Variants in SYT2 observed in about 807,000 individuals in gnomAD.
SYT2 encodes the protein synaptotagmin-2.
SYT2 carries 15 observed loss-of-function variants against 39.9 expected under a neutral mutation model. The ratio of observed to expected loss-of-function variants is 0.38; its 90% CI spans 0.25 to 0.58. SYT2 has a LOEUF of 0.58. SYT2 is among the 20% of genes least tolerant of loss of function. SYT2 has a pLI of 0.70. For synonymous variants in SYT2, 181 were observed against 204.5 expected (o/e 0.89, Z 0.98); for missense variants, 389 against 530.3 (o/e 0.73, Z 2.62).
chr1:202,611,741 A>C (rs1278063496), intron 1 of SYT2, among the ~76,000 whole-genome samples: 1 of 152,178 alleles, frequency 6.6e-6, no homozygotes, highest in East Asian at 1.9e-4. Context: ...TTTTGCTGCC[A>C]TATTTTTGGT....
intron 5 of SYT2, 90 bp from the exon 6 acceptor site, chr1:202,602,147 G>A (rs1243704294): frequency 6.6e-7 from 1 of 1,519,684 alleles, no homozygotes; most frequent in Non-Finnish European, 9.0e-7. Flanking sequence ...CCAGCCCACA[G>A]GGTCCAGGTT....
intron 1 of SYT2, among the ~76,000 whole-genome samples, chr1:202,663,727 G>T (rs974563877): frequency 1.3e-5 from 2 of 152,092 alleles, no homozygotes; most frequent in African/African-American, 4.8e-5. Flanking sequence ...CTCCTCTGAG[G>T]CTGGCTAAGG....
In SYT2 at chr1:202,602,060, G is replaced by A. The variant is rs779500557; in HGVS notation, c.634-3C>T. The A allele has an allele frequency of 1.2e-6, 2 of 1,613,860 alleles. No homozygotes were observed. Among genetic ancestry groups the A allele is most frequent in the African/African-American group, 1.3e-5 (1 of 74,936 alleles). ...CCCCCAAGCTCCTGGTATGGCACCTGCAGGGCACAAGCAGAATCAGAGGGG... is the reference window on the plus strand; with the variant it reads ...CCCCCAAGCTCCTGGTATGGCACCTACAGGGCACAAGCAGAATCAGAGGGG... On this transcript the variant is annotated splice_polypyrimidine_tract_variant and splice_region_variant and intron_variant, in intron 5 of 8. Coordinates refer to ENST00000367268, the MANE Select transcript of SYT2 (RefSeq NM_177402.5).
At chr1:202,608,838 C>A (rs1690792932) in intron 1 of SYT2, among the ~76,000 whole-genome samples, 1 of 152,180 alleles carries the variant, frequency 6.6e-6, no homozygotes, top group Admixed American at 6.5e-5. Context: ...TTCCCACCAG[C>A]AATGTATGAG....
intron 1 of SYT2, among the ~76,000 whole-genome samples, chr1:202,636,254 G>C (rs1193944131): frequency 1.3e-5 from 2 of 152,176 alleles, no homozygotes; most frequent in Non-Finnish European, 2.9e-5. Context: ...AGGAGGGCCA[G>C]ATTCAGCCCA....
At chr1:202,684,968 T>G (rs1387135569) in intron 1 of SYT2, among the ~76,000 whole-genome samples, 1 of 152,122 alleles carries the variant, frequency 6.6e-6, no homozygotes, top group Non-Finnish European at 1.5e-5. Flanking sequence ...TGTGCAGCAG[T>G]GGGCTGTGGA....
chr1:202,682,681 G>A (rs970435732), intron 1 of SYT2, among the ~76,000 whole-genome samples: 1 of 152,116 alleles, frequency 6.6e-6, no homozygotes, highest in African/African-American at 2.4e-5. Context: ...CTCTCTGAGG[G>A]TGGGGACAAC....
chr1:202,641,973 G>T (rs35608464), intron 1 of SYT2, among the ~76,000 whole-genome samples: 7,170 of 150,988 alleles, frequency 0.047, 210 homozygotes, highest in Middle Eastern at 0.11. Context: ...TTGGGATGGG[G>T]GGTGCAGTAG....
intron 1 of SYT2, among the ~76,000 whole-genome samples, chr1:202,670,478 T>C (rs1692567915): frequency 6.6e-6 from 1 of 152,162 alleles, no homozygotes; most frequent in Non-Finnish European, 1.5e-5. Flanking sequence ...CCCAGCTAGC[T>C]CTCCCTGGGT....
At chr1:202,650,430 A>G (rs1227533678) in intron 1 of SYT2, among the ~76,000 whole-genome samples, 1 of 141,198 alleles carries the variant, frequency 7.1e-6, no homozygotes, top group Non-Finnish European at 1.5e-5. Flanking sequence ...CATTTGTTTC[A>G]TATGCTTTTG....
At position 202,605,699 on chromosome 1, in the gene SYT2, C is replaced by G. The variant is rs1572616582; in HGVS notation, c.74G>C (p.Gly25Ala). The change falls in exon 2 of 9, where the codon GGA (glycine) becomes GCA (alanine). Residue 25 changes from glycine (G) to alanine (A), a missense_variant. By Grantham distance (60) the Gly-to-Ala change is moderately conservative. Coordinates refer to ENST00000367268, the MANE Select transcript of SYT2 (RefSeq NM_177402.5). ...ACTCTCAGTGGAGTTGTCCACGGGT[C>G]CAATGGGCATCGTGGCGGTGGTGGT... is the stretch of plus-strand genomic sequence containing the variant. Reference protein sequence around the residue: ...PATTTATMPIGPVDNSTESGG... With the variant: ...PATTTATMPIAPVDNSTESGG... The G allele has an allele frequency of 1.9e-6, 3 of 1,614,054 alleles. No homozygotes were observed. The highest frequency in any genetic ancestry group is 3.3e-4 in the Middle Eastern group (2 of 6,056).
chr1:202,631,232 G>C (rs191652122), intron 1 of SYT2, among the ~76,000 whole-genome samples: 54 of 152,254 alleles, frequency 3.5e-4, no homozygotes, highest in African/African-American at 1.2e-3. Context: ...TGGCTCTCTG[G>C]AACCGCAGGG....
chr1:202,656,263 G>T (rs1034330966), intron 1 of SYT2, among the ~76,000 whole-genome samples: 3 of 152,200 alleles, frequency 2.0e-5, no homozygotes, highest in African/African-American at 7.2e-5. Flanking sequence ...TGAACTCTGG[G>T]GTCCCCTGCT....
intron 1 of SYT2, among the ~76,000 whole-genome samples, chr1:202,674,879 C>G (rs1653318391): frequency 8.8e-6 from 1 of 113,650 alleles, no homozygotes; most frequent in Admixed American, 9.2e-5. Context: ...CCAGCATGCT[C>G]TGCCCTGAGC....
chr1:202,700,267 T>C (rs1654079037), intron 1 of SYT2, among the ~76,000 whole-genome samples: 1 of 152,166 alleles, frequency 6.6e-6, no homozygotes, highest in Non-Finnish European at 1.5e-5. Flanking sequence ...CCAGCAAGGC[T>C]GCCAGGCTGA....
At chr1:202,618,407 G>GTGTGTGTGTGTT (rs1177379096) in intron 1 of SYT2, among the ~76,000 whole-genome samples, 3 of 148,784 alleles carry the variant, frequency 2.0e-5, no homozygotes, top group Non-Finnish European at 4.5e-5. Flanking sequence ...GTGAGTGTGT[G>GTGTGTGTGTGTT]TGTGTGTGTG....
At chr1:202,670,901 C>T (rs769661747) in intron 1 of SYT2, among the ~76,000 whole-genome samples, 1 of 152,240 alleles carries the variant, frequency 6.6e-6, no homozygotes. Context: ...ACTGATTTAA[C>T]GACCTGTGGA....
intron 1 of SYT2, among the ~76,000 whole-genome samples, chr1:202,686,834 T>G (rs976721146): frequency 3.9e-5 from 6 of 152,144 alleles, no homozygotes; most frequent in Non-Finnish European, 8.8e-5. Flanking sequence ...GCTTCACACT[T>G]CTGAGTCCTC....
chr1:202,706,598 G>GA (rs1654257688), intron 1 of SYT2, among the ~76,000 whole-genome samples: 1 of 152,150 alleles, frequency 6.6e-6, no homozygotes, highest in Non-Finnish European at 1.5e-5. Flanking sequence ...GCAGAACCAG[G>GA]ATGAACCCTG....
Sources: gnomAD v4.1 joint callset for allele counts (sites outside exome capture counted in the v4.1 genomes callset) on GRCh38, gnomAD v4.1.1 for gene constraint, MANE v1.5 for transcripts, NCBI Gene and HGNC (gene_info 2026-07-23, HGNC 2026-07-21) for gene names.